Variants in RBFOX1 observed in about 807,000 individuals in gnomAD.
RBFOX1 encodes the protein RNA binding fox-1 homolog 1, also known as RNA binding protein fox-1 homolog 1.
A neutral mutation model predicts 57.7 loss-of-function variants in RBFOX1; 8 were observed. The ratio of observed to expected loss-of-function variants is 0.14; its 90% CI spans 0.08 to 0.25. The LOEUF (loss-of-function observed/expected upper bound fraction) is 0.25. Among genes scored for constraint, RBFOX1 ranks in the 10% least tolerant of loss-of-function variants. RBFOX1 has a pLI of 1.00. For synonymous variants in RBFOX1, 326 were observed against 222.4 expected (o/e 1.47, Z -4.15); for missense variants, 611 against 548.5 (o/e 1.11, Z -1.14).
intron 2 of RBFOX1, among the ~76,000 whole-genome samples, chr16:6,336,499 C>T (rs534631193): frequency 5.3e-5 from 8 of 152,016 alleles, no homozygotes; most frequent in African/African-American, 9.7e-5. Context: ...CAGCATTCTT[C>T]CTACAGAGCT....
At chr16:6,262,523 C>G (rs886112591) in intron 1 of RBFOX1, among the ~76,000 whole-genome samples, 11 of 152,152 alleles carry the variant, frequency 7.2e-5, no homozygotes, top group African/African-American at 2.4e-4. Context: ...AGCAGCATCT[C>G]ATAAACATTG....
intron 2 of RBFOX1, among the ~76,000 whole-genome samples, chr16:6,590,409 A>G (rs1418843053): frequency 2.0e-5 from 3 of 152,078 alleles, no homozygotes; most frequent in Non-Finnish European, 4.4e-5. Flanking sequence ...ATCAAAAGCT[A>G]ATTTTTTTTG....
At chr16:6,567,990 A>G (rs1436220949) in intron 2 of RBFOX1, among the ~76,000 whole-genome samples, 1 of 152,006 alleles carries the variant, frequency 6.6e-6, no homozygotes, top group African/African-American at 2.4e-5. Flanking sequence ...CAGGCTAATT[A>G]TTTAAATTCT....
chr16:7,541,715 C>G (rs1306669239), intron 5 of RBFOX1, among the ~76,000 whole-genome samples: 1 of 152,202 alleles, frequency 6.6e-6, no homozygotes, highest in Non-Finnish European at 1.5e-5. Context: ...CAGGCTTTCT[C>G]CATGCAAGCA....
At chr16:5,660,007 A>T (rs2049592616) in intron 3 of RBFOX1, among the ~76,000 whole-genome samples, 1 of 152,152 alleles carries the variant, frequency 6.6e-6, no homozygotes, top group Admixed American at 6.5e-5. Context: ...AGTTCTTTTT[A>T]TTCTATTTTT....
chr16:6,697,808 A>C (rs887947427), intron 3 of RBFOX1, among the ~76,000 whole-genome samples: 1 of 152,196 alleles, frequency 6.6e-6, no homozygotes, highest in Non-Finnish European at 1.5e-5. Flanking sequence ...TTGGAAGTCC[A>C]TATCTCTACA....
At chr16:7,359,394 GTGTT>G (rs1239269820) in intron 4 of RBFOX1, among the ~76,000 whole-genome samples, 1 of 142,424 alleles carries the variant, frequency 7.0e-6, no homozygotes, top group Non-Finnish European at 1.5e-5. Flanking sequence ...GTGCCTCTGT[GTGTT>G]TGTGTGCACA....
chr16:6,715,549 C>G (rs575383360), intron 3 of RBFOX1, among the ~76,000 whole-genome samples: 1 of 152,144 alleles, frequency 6.6e-6, no homozygotes, highest in Admixed American at 6.5e-5. Flanking sequence ...TTGCCTCCAT[C>G]GCTGAAAACT....
At chr16:6,971,115 G>A (rs1366629692) in intron 3 of RBFOX1, among the ~76,000 whole-genome samples, 2 of 152,196 alleles carry the variant, frequency 1.3e-5, no homozygotes, top group African/African-American at 2.4e-5. Flanking sequence ...TCTAGCGGAG[G>A]AAGACAGACA....
At chr16:7,268,435 G>C (rs565635768) in intron 4 of RBFOX1, among the ~76,000 whole-genome samples, 2 of 152,202 alleles carry the variant, frequency 1.3e-5, no homozygotes, top group Non-Finnish European at 1.5e-5. Flanking sequence ...TCTGGGAGAA[G>C]GAAGCAGGTC....
chr16:6,336,375 T>G (rs1311462354), intron 2 of RBFOX1, among the ~76,000 whole-genome samples: 1 of 151,074 alleles, frequency 6.6e-6, no homozygotes, highest in African/African-American at 2.4e-5. Context: ...TTTTGTATTT[T>G]TAGTAGAGAC....
At position 5,934,452 on chromosome 16, in the gene RBFOX1, G is replaced by C. The variant is rs552544006; in HGVS notation, c.351+67117G>C. The stretch of plus-strand genomic sequence containing the variant: ...CTTTTAAAAACTGAGTCCACTTAAA[G>C]AAATACATAAAGTATGAGGTGAATT... On this transcript the variant is annotated intron_variant, in intron 4 of 19. Coordinates refer to the RBFOX1 transcript ENST00000641259. Among the ~76,000 whole-genome samples, 11 of 152,262 alleles carry C rather than the reference G, an allele frequency of 7.2e-5. No individual in the cohort carries two copies. In the South Asian group the frequency reaches 2.3e-3, roughly 32 times the overall value.
chr16:5,248,671 G>C (rs1278365468), intron 1 of RBFOX1, among the ~76,000 whole-genome samples: 2 of 152,132 alleles, frequency 1.3e-5, no homozygotes, highest in African/African-American at 4.8e-5. Context: ...AGCTGTTCGG[G>C]GGAGACTGCA....
intron 1 of RBFOX1, among the ~76,000 whole-genome samples, chr16:6,152,654 A>C (rs2096805669): frequency 1.3e-5 from 2 of 151,850 alleles, no homozygotes; most frequent in Admixed American, 1.3e-4. Context: ...AAAATTGCTA[A>C]GCAATGTATG....
intron 4 of RBFOX1, among the ~76,000 whole-genome samples, chr16:7,277,524 G>A: frequency 6.6e-6 from 1 of 152,128 alleles, no homozygotes; most frequent in East Asian, 1.9e-4. Flanking sequence ...AGTGGTAATT[G>A]AACCTAGATG....
intron 4 of RBFOX1, among the ~76,000 whole-genome samples, chr16:7,455,816 A>T (rs1002639291): frequency 4.6e-5 from 7 of 151,946 alleles, no homozygotes; most frequent in Non-Finnish European, 7.4e-5. Flanking sequence ...AAAAAGAAAA[A>T]AAAAACTGAT....
chr16:7,630,499 G>A (rs1185164241), intron 10 of RBFOX1, 104 bp from the exon 11 acceptor site: 9 of 1,552,798 alleles, frequency 5.8e-6, no homozygotes, highest in African/African-American at 1.4e-5. Flanking sequence ...CTGGGATGTG[G>A]CTATGTTTTC....
intron 3 of RBFOX1, among the ~76,000 whole-genome samples, chr16:5,720,950 T>C (rs887602024): frequency 6.6e-6 from 1 of 152,214 alleles, no homozygotes; most frequent in Non-Finnish European, 1.5e-5. Context: ...AGAGTCAGCT[T>C]GTCAATTTCA....
At chr16:6,928,310 C>T (rs1036995037) in intron 3 of RBFOX1, among the ~76,000 whole-genome samples, 1 of 152,014 alleles carries the variant, frequency 6.6e-6, no homozygotes, top group African/African-American at 2.4e-5. Context: ...AGATCAGGGA[C>T]AAAGGCGATC....
Sources: allele counts gnomAD v4.1 joint callset (sites outside exome capture counted in the v4.1 genomes callset), GRCh38; gene constraint gnomAD v4.1.1; transcripts MANE v1.5; gene names NCBI Gene and HGNC (gene_info 2026-07-23, HGNC 2026-07-21).